The following FNBP1 variants were observed in gnomAD, a reference collection of about 807,000 sequenced individuals.
The protein encoded by FNBP1 is formin-binding protein 1.
In FNBP1, 26 loss-of-function variants were observed where a neutral mutation model predicts 90.6. That is an observed-to-expected ratio of 0.29 (90% confidence interval 0.21 to 0.40). FNBP1 has a LOEUF of 0.40. Among genes scored for constraint, FNBP1 ranks in the 10% least tolerant of loss-of-function variants. The pLI, the probability that FNBP1 is intolerant of heterozygous loss-of-function variation, is 1.00. For synonymous variants in FNBP1, 260 were observed against 265.2 expected, an observed-to-expected ratio of 0.98 and a Z score of 0.19; for missense variants, 635 against 768.0, an observed-to-expected ratio of 0.83 and a Z score of 2.05.
intron 2 of FNBP1, among the ~76,000 whole-genome samples, chr9:129,991,117 G>A (rs996525963): frequency 4.6e-5 from 7 of 151,604 alleles, no homozygotes; most frequent in Non-Finnish European, 1.0e-4. Context: ...TGTATTTTTA[G>A]TAGAGACAGG....
chr9:129,921,469 CT>C (rs1390858714), intron 10 of FNBP1, among the ~76,000 whole-genome samples: 1 of 151,918 alleles, frequency 6.6e-6, no homozygotes, highest in Non-Finnish European at 1.5e-5. Context: ...TCTTGGCTCA[CT>C]GCAACCTCCA....
the FNBP1 span, among the ~76,000 whole-genome samples, chr9:130,052,727 C>G: frequency 4.6e-5 from 7 of 152,198 alleles, no homozygotes; most frequent in East Asian, 1.4e-3. Flanking sequence ...AATCACCACC[C>G]TGCCAGGCCT....
chr9:129,987,050 TC>T (rs1423866294), intron 2 of FNBP1, among the ~76,000 whole-genome samples: 1 of 151,988 alleles, frequency 6.6e-6, no homozygotes, highest in Non-Finnish European at 1.5e-5. Flanking sequence ...CTAAAATTAT[TC>T]ATATTTTTAC....
At chr9:129,905,499 AG>A (rs1319311364) in intron 12 of FNBP1, among the ~76,000 whole-genome samples, 1 of 151,778 alleles carries the variant, frequency 6.6e-6, no homozygotes, top group African/African-American at 2.4e-5. Context: ...TAGTAGAGAC[AG>A]GGTTTTGCCA....
At position 129,890,715 on chromosome 9, in the gene FNBP1, G is replaced by A. The variant is rs72757227; in HGVS notation, c.1847-169C>T. 0.11 allele frequency among the ~76,000 whole-genome samples: 16,489 copies of A among 152,154 alleles called. 2,288 individuals carry two copies. Among genetic ancestry groups the A allele is most frequent in the African/African-American group, 0.33 (13,540 of 41,420 alleles). ...TTAGAGCAATCGGTTACCACAGGGC[G>A]GGTCTGAGATGAGGAACTTTCACGG... On this transcript the variant is annotated intron_variant, in intron 16 of 16. Transcript: ENST00000446176. The surrounding 1 kb of genome is among the most constrained non-coding windows in gnomAD (Gnocchi z 5.8).
At position 129,948,356 on chromosome 9, in the gene FNBP1, C is replaced by CTTT. The variant is rs71385491; in HGVS notation, c.513+9001_513+9003dup. ...TCATACAAAACACCTATTTTGGTGT[C>CTTT]TTTTTTTTTTTTTTTTTTTTTTTTT... On this transcript the variant is annotated intron_variant, in intron 6 of 16. Transcript: ENST00000446176. 7.8e-4 allele frequency among the ~76,000 whole-genome samples: 50 copies of CTTT among 64,482 alleles called. 4 individuals are homozygous for CTTT. Among genetic ancestry groups the CTTT allele is most frequent in the African/African-American group, 1.3e-3 (18 of 14,224 alleles). 42.3% of individuals were successfully genotyped at this position (64,482 alleles called of 152,430 possible). A position where few individuals can be genotyped will look rare whatever the true frequency, so the allele number is the denominator to read the frequency against.
chr9:130,051,683 C>T, the FNBP1 span, among the ~76,000 whole-genome samples: 6 of 152,062 alleles, frequency 3.9e-5, no homozygotes, highest in Non-Finnish European at 8.8e-5. Flanking sequence ...AGCATACTGG[C>T]GCACACCTGT....
In FNBP1 at chr9:129,931,046, G is replaced by A. The variant is rs141545882; in HGVS notation, c.514-1351C>T. Reference sequence around the variant, plus strand: ...TGGCTGGGTGTGGTAGATCACGCCTGCAATCCCAGCTCTATGGAAGGCTCG... The same window carrying A: ...TGGCTGGGTGTGGTAGATCACGCCTACAATCCCAGCTCTATGGAAGGCTCG... On this transcript the variant is annotated intron_variant, in intron 6 of 16. Coordinates refer to ENST00000446176, the MANE Select transcript of FNBP1 (RefSeq NM_015033.3). 1.4e-3 allele frequency among the ~76,000 whole-genome samples: 216 copies of A among 152,268 alleles called. 1 individual carries two copies. Among genetic ancestry groups the A allele is most frequent in the African/African-American group, 4.1e-3 (169 of 41,566 alleles).
intron 11 of FNBP1, among the ~76,000 whole-genome samples, chr9:129,909,580 C>T: frequency 6.6e-6 from 1 of 152,094 alleles, no homozygotes; most frequent in East Asian, 1.9e-4. Flanking sequence ...ATCTCTTCTC[C>T]TTACCCCATG....
At chr9:129,995,596 C>T (rs1479448526) in intron 1 of FNBP1, among the ~76,000 whole-genome samples, 1 of 152,126 alleles carries the variant, frequency 6.6e-6, no homozygotes, top group Non-Finnish European at 1.5e-5. Flanking sequence ...TCTACAAAAA[C>T]AATTTTTTTA....
At chr9:129,993,418 T>C (rs2053515342) in intron 2 of FNBP1, among the ~76,000 whole-genome samples, 1 of 144,484 alleles carries the variant, frequency 6.9e-6, no homozygotes, top group Admixed American at 7.0e-5. Context: ...ATATATTCTA[T>C]AAAAACACAA....
In FNBP1 at chr9:129,890,526, C is replaced by A; in HGVS notation, c.*13G>T. ...TCCAGGAAGGCTCACCCGAGGCTCG[C>A]AGGCACTCCCCTCTAGGAATCTACA... On this transcript the variant is annotated 3_prime_UTR_variant, in exon 17 of 17. Transcript: ENST00000446176. The surrounding 1 kb of genome is among the most constrained non-coding windows in gnomAD (Gnocchi z 5.8). 6.3e-7 allele frequency: 1 copy of A among 1,585,072 alleles called. No homozygotes were observed. The highest frequency in any genetic ancestry group is 8.6e-7 in the Non-Finnish European group (1 of 1,166,408).
At position 129,957,218 on chromosome 9, in the gene FNBP1, C is replaced by T. The variant is rs1275323689; in HGVS notation, c.513+142G>A. On this transcript the variant is annotated intron_variant, in intron 6 of 16. Coordinates refer to ENST00000446176, the MANE Select transcript of FNBP1 (RefSeq NM_015033.3). The surrounding 1 kb of genome is among the most constrained non-coding windows in gnomAD (Gnocchi z 4.3). ...GCACTCAGCTAATTTTTGTGTTTTT[C>T]GTAGAGATGGGGTTTCACCATCTTG... The T allele has an allele frequency of 1.7e-5, 10 of 605,250 alleles. No individual in the cohort carries two copies. The highest frequency in any genetic ancestry group is 2.9e-5 in the East Asian group (1 of 34,832). 37.5% of individuals were successfully genotyped at this position (605,250 alleles called of 1,614,324 possible).
intron 2 of FNBP1, among the ~76,000 whole-genome samples, chr9:129,980,646 A>C (rs1277933421): frequency 7.1e-6 from 1 of 141,138 alleles, no homozygotes; most frequent in Admixed American, 7.7e-5. Flanking sequence ...ACAAATAGAC[A>C]CAAAAACTAA....
rs1241489516 is a variant in FNBP1, at chr9:130,041,700, G to T, written c.24+1252C>A. Among the ~76,000 whole-genome samples, 1 of 152,166 alleles carries T rather than the reference G, an allele frequency of 6.6e-6. No individual in the cohort carries two copies. Among genetic ancestry groups the T allele is most frequent in the Non-Finnish European group, 1.5e-5 (1 of 68,036 alleles). On this transcript the variant is annotated intron_variant, in intron 1 of 16. Transcript: ENST00000446176. The surrounding 1 kb of genome is among the most constrained non-coding windows in gnomAD (Gnocchi z 4.3). ...TAATTTAAGGGAGCTATTGCCCTCAGGATTTTGGTAATAACAACCGTAGCT... is the reference window on the plus strand; with the variant it reads ...TAATTTAAGGGAGCTATTGCCCTCATGATTTTGGTAATAACAACCGTAGCT...
At position 129,922,374 on chromosome 9, in the gene FNBP1, G is replaced by A. The variant is rs144344020; in HGVS notation, c.1170+1470C>T. 3.3e-4 allele frequency among the ~76,000 whole-genome samples: 50 copies of A among 152,236 alleles called. No individual in the cohort carries two copies. The East Asian group carries it at 7.1e-3, about 22-fold the overall frequency. On this transcript the variant is annotated intron_variant, in intron 10 of 16. Coordinates refer to ENST00000446176, the MANE Select transcript of FNBP1 (RefSeq NM_015033.3). ...TTCAATCTTAATAACAACCACTTACGAGTCAATATAGTAGTTTCTCCCTGA... is the reference window on the plus strand; with the variant it reads ...TTCAATCTTAATAACAACCACTTACAAGTCAATATAGTAGTTTCTCCCTGA...
At chr9:129,898,760 T>G (rs995413524) in intron 15 of FNBP1, among the ~76,000 whole-genome samples, 26 of 152,120 alleles carry the variant, frequency 1.7e-4, no homozygotes, top group African/African-American at 6.0e-4. Flanking sequence ...AGTGCTGGGA[T>G]TACAGGCGTG....
intron 2 of FNBP1, among the ~76,000 whole-genome samples, chr9:129,980,185 C>A (rs1166125882): frequency 6.6e-6 from 1 of 151,072 alleles, no homozygotes; most frequent in Non-Finnish European, 1.5e-5. Flanking sequence ...CATGGAGAAA[C>A]CCCGTCCCTA....
At chr9:129,905,648 C>T (rs1468013223) in intron 12 of FNBP1, among the ~76,000 whole-genome samples, 4 of 149,208 alleles carry the variant, frequency 2.7e-5, no homozygotes, top group South Asian at 2.1e-4. Context: ...GTTCTTTTTC[C>T]GACTTCTTGA....
Sources: allele counts gnomAD v4.1 joint callset (sites outside exome capture counted in the v4.1 genomes callset), GRCh38; gene constraint gnomAD v4.1.1; non-coding constraint Gnocchi (gnomAD v3.1); transcripts MANE v1.5; gene names NCBI Gene and HGNC (gene_info 2026-07-23, HGNC 2026-07-21).